The following RARB variants were observed in gnomAD, a reference collection of about 807,000 sequenced individuals.
The protein encoded by RARB is retinoic acid receptor beta.
In RARB, 17 loss-of-function variants were observed where a neutral mutation model predicts 51.9. The observed-to-expected ratio is 0.33, with a 90% confidence interval of 0.22 to 0.49. RARB has a LOEUF of 0.49. Among genes scored for constraint, RARB ranks in the 20% least tolerant of loss-of-function variants. RARB has a pLI of 0.99. For missense variants in RARB, 369 were observed against 550.8 expected (o/e 0.67, Z 3.30); for synonymous variants, 215 against 195.4 (o/e 1.10, Z -0.84).
chr3:24,956,751 C>T (rs1696024407), intron 2 of RARB, among the ~76,000 whole-genome samples: 1 of 152,158 alleles, frequency 6.6e-6, no homozygotes, highest in South Asian at 2.1e-4. Context: ...TGATCATGGT[C>T]ATAGGTCATA....
At chr3:24,896,242 A>T (rs11924369) in intron 2 of RARB, among the ~76,000 whole-genome samples, 3 of 151,840 alleles carry the variant, frequency 2.0e-5, no homozygotes, top group Non-Finnish European at 4.4e-5. Flanking sequence ...TAACAGGTAC[A>T]GAGATTTTTG....
At chr3:24,954,026 C>T (rs1695955550) in intron 2 of RARB, among the ~76,000 whole-genome samples, 1 of 152,024 alleles carries the variant, frequency 6.6e-6, no homozygotes, top group Non-Finnish European at 1.5e-5. Context: ...TTACTTGTTT[C>T]TTCCTTTCTC....
intron 5 of RARB, among the ~76,000 whole-genome samples, chr3:25,302,020 C>A (rs922289536): frequency 6.6e-6 from 1 of 152,172 alleles, no homozygotes; most frequent in Non-Finnish European, 1.5e-5. Flanking sequence ...AGTCCTCACA[C>A]TAAGTTCACG....
chr3:25,397,006 A>C (rs542744850), intron 5 of RARB, among the ~76,000 whole-genome samples: 1 of 152,054 alleles, frequency 6.6e-6, no homozygotes, highest in Non-Finnish European at 1.5e-5. Context: ...TGCTCTCTCA[A>C]CTGCCATGGT....
At chr3:25,105,866 C>T (rs980858669) in intron 3 of RARB, among the ~76,000 whole-genome samples, 2 of 152,152 alleles carry the variant, frequency 1.3e-5, no homozygotes, top group African/African-American at 4.8e-5. Context: ...TCAATTTTAA[C>T]ATCAGAGGAA....
At chr3:25,458,089 A>G (rs1291434894) in intron 1 of RARB, among the ~76,000 whole-genome samples, 1 of 152,250 alleles carries the variant, frequency 6.6e-6, no homozygotes, top group Non-Finnish European at 1.5e-5. Context: ...GTTTATCAAC[A>G]TGCATTAAAA....
chr3:25,361,145 A>C (rs893961685), intron 5 of RARB, among the ~76,000 whole-genome samples: 1 of 152,184 alleles, frequency 6.6e-6, no homozygotes, highest in Admixed American at 6.5e-5. Context: ...CTTTTCACAT[A>C]GTCCCATATT....
chr3:25,589,180 TGAA>T (rs1336793632), intron 5 of RARB, among the ~76,000 whole-genome samples: 3 of 152,204 alleles, frequency 2.0e-5, no homozygotes, highest in Non-Finnish European at 2.9e-5. Context: ...ACATTTAAGC[TGAA>T]CTCTGAGAAA....
chr3:25,374,089 A>C (rs1466925155), intron 5 of RARB, among the ~76,000 whole-genome samples: 1 of 152,170 alleles, frequency 6.6e-6, no homozygotes, highest in East Asian at 1.9e-4. Context: ...TAACCTCCAG[A>C]GGCCCAAGAG....
chr3:24,960,704 T>A (rs1696120362), intron 2 of RARB, among the ~76,000 whole-genome samples: 1 of 151,762 alleles, frequency 6.6e-6, no homozygotes, highest in Non-Finnish European at 1.5e-5. Flanking sequence ...GCTACAACCA[T>A]ACGTTGTGTA....
intron 1 of RARB, among the ~76,000 whole-genome samples, chr3:24,838,000 C>T (rs1047887343): frequency 6.6e-6 from 1 of 152,192 alleles, no homozygotes; most frequent in Non-Finnish European, 1.5e-5. Context: ...CTACCCTGAA[C>T]TTTTATGTAG....
chr3:25,405,831 T>C (rs1707391517), intron 5 of RARB, among the ~76,000 whole-genome samples: 1 of 152,196 alleles, frequency 6.6e-6, no homozygotes, highest in Non-Finnish European at 1.5e-5. Flanking sequence ...ACTTCTGTTA[T>C]CTTGGTCAAG....
At chr3:24,894,265 G>GC (rs1575058552) in intron 2 of RARB, among the ~76,000 whole-genome samples, 5 of 147,178 alleles carry the variant, frequency 3.4e-5, no homozygotes. Flanking sequence ...ACACTGTGCC[G>GC]CCCCCGCCCC....
chr3:25,216,527 T>C (rs917502426), intron 5 of RARB, among the ~76,000 whole-genome samples: 2 of 151,086 alleles, frequency 1.3e-5, no homozygotes, highest in Non-Finnish European at 2.9e-5. Flanking sequence ...TAAGTAGGAG[T>C]TGAACATTGA....
intron 5 of RARB, among the ~76,000 whole-genome samples, chr3:25,315,511 C>G (rs1269362753): frequency 6.6e-6 from 1 of 152,148 alleles, no homozygotes; most frequent in African/African-American, 2.4e-5. Context: ...TATCTTTTTA[C>G]CTAATTTGGC....
rs1254000121 is a variant in RARB, at chr3:25,328,413, G to C, written c.179-132780G>C. 3.3e-5 allele frequency among the ~76,000 whole-genome samples: 5 copies of C among 152,342 alleles called. No homozygotes were observed. The East Asian group carries it at 9.6e-4, about 29-fold the overall frequency. On this transcript the variant is annotated intron_variant, in intron 5 of 11. Transcript: ENST00000383772. ...TGCACACCTGTAATCCCAGCTACTAGAGAGGCTGAGGCAGAAGAATTGCTT... is the reference window on the plus strand; with the variant it reads ...TGCACACCTGTAATCCCAGCTACTACAGAGGCTGAGGCAGAAGAATTGCTT...
chr3:25,239,686 C>T (rs1702384208), intron 5 of RARB, among the ~76,000 whole-genome samples: 1 of 152,098 alleles, frequency 6.6e-6, no homozygotes. Flanking sequence ...CAATATAATG[C>T]TGTTTTGGTT....
intron 5 of RARB, among the ~76,000 whole-genome samples, chr3:25,262,739 C>G (rs555254917): frequency 6.6e-6 from 1 of 152,124 alleles, no homozygotes; most frequent in African/African-American, 2.4e-5. Flanking sequence ...TAAGGTCAGC[C>G]GGTTAGCAAG....
chr3:25,348,805 C>G (rs1392140838), intron 5 of RARB, among the ~76,000 whole-genome samples: 1 of 152,182 alleles, frequency 6.6e-6, no homozygotes, highest in Admixed American at 6.5e-5. Flanking sequence ...CGCATCCAAG[C>G]CAACTGGAGG....
Sources: gnomAD v4.1 joint callset for allele counts (sites outside exome capture counted in the v4.1 genomes callset) on GRCh38, gnomAD v4.1.1 for gene constraint, MANE v1.5 for transcripts, NCBI Gene and HGNC (gene_info 2026-07-23, HGNC 2026-07-21) for gene names.